SH3BGRL2: variants seen among roughly 807,000 people sequenced by gnomAD.
SH3BGRL2 encodes the protein SH3 domain binding glutamate rich protein like 2.
SH3BGRL2 carries 21 observed loss-of-function variants against 14.8 expected under a neutral mutation model. The ratio of observed to expected loss-of-function variants is 1.42; its 90% CI spans 1.01 to 2.05. The LOEUF (loss-of-function observed/expected upper bound fraction) is 2.05. Among genes scored for constraint, SH3BGRL2 ranks in the 30% most tolerant of loss-of-function variants. SH3BGRL2 has a pLI of 0.00. For missense variants in SH3BGRL2, 147 were observed against 130.8 expected (o/e 1.12, Z -0.61); for synonymous variants, 50 against 47.8 (o/e 1.05, Z -0.19).
chr6:79,603,860 A>G, the SH3BGRL2 span, among the ~76,000 whole-genome samples: 1 of 152,154 alleles, frequency 6.6e-6, no homozygotes, highest in Non-Finnish European at 1.5e-5. Context: ...GCTGGAGTAC[A>G]GTGGTGCAAT....
chr6:79,640,836 T>C (rs1769018234), intron 1 of SH3BGRL2, among the ~76,000 whole-genome samples: 1 of 152,156 alleles, frequency 6.6e-6, no homozygotes, highest in Non-Finnish European at 1.5e-5. Context: ...ATGAAATGAC[T>C]TTTTGTCATC....
chr6:79,567,284 A>C, the SH3BGRL2 span, among the ~76,000 whole-genome samples: 1 of 152,222 alleles, frequency 6.6e-6, no homozygotes, highest in East Asian at 1.9e-4. Context: ...GGAATCTGAT[A>C]AACTAATTCT....
chr6:79,625,237 CATATATATAT>C, the SH3BGRL2 span, among the ~76,000 whole-genome samples: 11 of 150,310 alleles, frequency 7.3e-5, no homozygotes, highest in African/African-American at 2.7e-4. Context: ...TATATATACA[CATATATATAT>C]ACACACACAC....
At chr6:79,640,412 A>C (rs1219616813) in intron 1 of SH3BGRL2, among the ~76,000 whole-genome samples, 3 of 152,180 alleles carry the variant, frequency 2.0e-5, no homozygotes, top group African/African-American at 7.2e-5. Flanking sequence ...CTGGTTCATG[A>C]CAGCTTTGCA....
intron 1 of SH3BGRL2, among the ~76,000 whole-genome samples, chr6:79,639,194 G>T (rs1768984870): frequency 6.6e-6 from 1 of 152,038 alleles, no homozygotes. Flanking sequence ...AATTAGAAAT[G>T]GGTGACAGAA....
chr6:79,598,593 A>G, the SH3BGRL2 span, among the ~76,000 whole-genome samples: 2 of 152,130 alleles, frequency 1.3e-5, no homozygotes, highest in East Asian at 3.9e-4. Flanking sequence ...GGGCAGAGGA[A>G]CTTGAGGGGG....
the SH3BGRL2 span, among the ~76,000 whole-genome samples, chr6:79,560,005 C>T: frequency 0.026 from 3,894 of 150,592 alleles, 59 homozygotes; most frequent in Middle Eastern, 0.072. Flanking sequence ...GAGAAGAAGA[C>T]GAAGGAGGAG....
intron 1 of SH3BGRL2, among the ~76,000 whole-genome samples, chr6:79,653,592 A>C (rs1739205733): frequency 6.6e-6 from 1 of 152,208 alleles, no homozygotes; most frequent in Non-Finnish European, 1.5e-5. Flanking sequence ...TGGTTCATTT[A>C]CATTTTCTGT....
At chr6:79,588,027 C>T in the SH3BGRL2 span, among the ~76,000 whole-genome samples, 2 of 151,440 alleles carry the variant, frequency 1.3e-5, no homozygotes, top group East Asian at 3.9e-4. Context: ...GGTGCGGTGG[C>T]TCATGGCTGT....
chr6:79,562,955 GT>G, the SH3BGRL2 span, among the ~76,000 whole-genome samples: 1 of 152,022 alleles, frequency 6.6e-6, no homozygotes, highest in Non-Finnish European at 1.5e-5. Context: ...TTTTTTGTTT[GT>G]TTGTTTGCTT....
chr6:79,560,495 C>T, the SH3BGRL2 span, among the ~76,000 whole-genome samples: 48 of 152,162 alleles, frequency 3.2e-4, no homozygotes, highest in African/African-American at 1.1e-3. Context: ...GTATTATGAG[C>T]GTGCCTGTGA....
the SH3BGRL2 span, among the ~76,000 whole-genome samples, chr6:79,541,622 C>CT: frequency 6.6e-6 from 1 of 152,170 alleles, no homozygotes; most frequent in African/African-American, 2.4e-5. Context: ...GGTATTAACT[C>CT]TGACTGCCCA....
chr6:79,658,184 A>G (rs1769462685), intron 1 of SH3BGRL2, among the ~76,000 whole-genome samples: 1 of 152,172 alleles, frequency 6.6e-6, no homozygotes, highest in Non-Finnish European at 1.5e-5. Context: ...TCTAGGGTAC[A>G]TGTACACAGT....
chr6:79,638,470 T>C (rs1445382623), intron 1 of SH3BGRL2, among the ~76,000 whole-genome samples: 6 of 152,172 alleles, frequency 3.9e-5, no homozygotes, highest in Non-Finnish European at 8.8e-5. Flanking sequence ...TTCTCTGTAG[T>C]GGGATTGCTG....
chr6:79,549,114 GAAAT>G, the SH3BGRL2 span, among the ~76,000 whole-genome samples: 1 of 152,124 alleles, frequency 6.6e-6, no homozygotes, highest in Non-Finnish European at 1.5e-5. Context: ...GAAATGCCAT[GAAAT>G]AAATAAAAAG....
intron 2 of SH3BGRL2, among the ~76,000 whole-genome samples, chr6:79,686,933 G>A (rs1770109552): frequency 6.6e-6 from 1 of 152,156 alleles, no homozygotes; most frequent in African/African-American, 2.4e-5. Flanking sequence ...CCTCCAGGGT[G>A]AACTTCCTTT....
the SH3BGRL2 span, among the ~76,000 whole-genome samples, chr6:79,624,652 C>T: frequency 2.0e-5 from 3 of 151,998 alleles, no homozygotes; most frequent in Non-Finnish European, 4.4e-5. Context: ...TCAGTTTATC[C>T]AGTGGTTACC....
chr6:79,661,294 TGCTTTAAATGTGTCCC>T (rs1354492372), intron 1 of SH3BGRL2, among the ~76,000 whole-genome samples: 1 of 152,234 alleles, frequency 6.6e-6, no homozygotes, highest in African/African-American at 2.4e-5. Context: ...CTCTAGACAC[TGCTTTAAATGTGTCCC>T]ATAGATTCTG....
chr6:79,653,723 T>C (rs1438946215), intron 1 of SH3BGRL2, among the ~76,000 whole-genome samples: 1 of 152,160 alleles, frequency 6.6e-6, no homozygotes, highest in Non-Finnish European at 1.5e-5. Context: ...TGAAAGGAGC[T>C]TAAGAAAGAG....
Sources: gnomAD v4.1 joint callset for allele counts (sites outside exome capture counted in the v4.1 genomes callset) on GRCh38, gnomAD v4.1.1 for gene constraint, MANE v1.5 for transcripts, NCBI Gene and HGNC (gene_info 2026-07-23, HGNC 2026-07-21) for gene names.